The following TRA2B variants were observed in gnomAD, a reference collection of about 807,000 sequenced individuals.
TRA2B encodes the protein transformer 2 beta homolog.
A neutral mutation model predicts 41.7 loss-of-function variants in TRA2B; 14 were observed. The ratio of observed to expected loss-of-function variants is 0.34; its 90% CI spans 0.22 to 0.53. The LOEUF (loss-of-function observed/expected upper bound fraction) is 0.53. Among genes scored for constraint, TRA2B ranks in the 20% least tolerant of loss-of-function variants. The probability of loss-of-function intolerance (pLI) is 0.95; values close to 1 mark genes in which losing one functional copy is unlikely to be tolerated. For synonymous variants in TRA2B, 130 were observed against 128.8 expected, an observed-to-expected ratio of 1.01 and a Z score of -0.06; for missense variants, 167 against 396.8, an observed-to-expected ratio of 0.42 and a Z score of 4.92.
At chr3:185,926,879 G>T in intron 1 of TRA2B, 145 bp from the exon 2 acceptor site, 1 of 888,676 alleles carries the variant, frequency 1.1e-6, no homozygotes, top group Non-Finnish European at 1.7e-6. Context: ...GAATATACCT[G>T]GTGTTAATAG....
chr3:185,925,563 A>ATGGGAG lies in TRA2B; in HGVS notation c.228_233dup (p.Ser77_His78dup). 4 of 1,614,146 alleles carry ATGGGAG rather than the reference A, an allele frequency of 2.5e-6. No individual in the cohort carries two copies. Among genetic ancestry groups the ATGGGAG allele is most frequent in the Non-Finnish European group, 3.4e-6 (4 of 1,180,004 alleles). On this transcript the variant is annotated inframe_insertion, in exon 3 of 9. Coordinates refer to ENST00000453386, the MANE Select transcript of TRA2B (RefSeq NM_004593.3). ...TGTAAGACCTGCTACGTGATCGTCT[A>ATGGGAG]TGGGAGCGGGAGCGAGACCGTGACC... is the stretch of plus-strand genomic sequence containing the variant.
intron 1 of TRA2B, among the ~76,000 whole-genome samples, chr3:185,929,883 C>CT (rs1744085358): frequency 1.3e-5 from 2 of 152,128 alleles, no homozygotes; most frequent in South Asian, 4.1e-4. Flanking sequence ...CAAAGGTTAT[C>CT]TTCCTGAAAC....
At chr3:185,918,283 C>T in intron 8 of TRA2B, 82 bp downstream of exon 8, 1 of 1,036,358 alleles carries the variant, frequency 9.6e-7, no homozygotes, top group South Asian at 1.5e-5. Flanking sequence ...TGAAACCAAT[C>T]CATTATCTGA....
In TRA2B at chr3:185,917,515, T is replaced by C. The variant is rs1446020613; in HGVS notation, c.*200A>G. On this transcript the variant is annotated 3_prime_UTR_variant, in exon 9 of 9. Transcript: ENST00000453386. ...CAAAACATACTTTTCTGAAAACACT[T>C]AACTTGGAACAAAGCACCAAACTAC... 3.9e-6 allele frequency: 2 copies of C among 516,816 alleles called. No individual in the cohort carries two copies. The highest frequency in any genetic ancestry group is 3.4e-6 in the Non-Finnish European group (1 of 290,382). 32.0% of individuals were successfully genotyped at this position (516,816 alleles called of 1,614,324 possible).
At position 185,916,155 on chromosome 3, in the gene TRA2B, G is replaced by C. The variant is rs1743493483; in HGVS notation, c.*1560C>G. ...ACACTGAAAACACCCTGGACAGTAA[G>C]TTTTACAAATTAAGACCTGCCAATA... On this transcript the variant is annotated 3_prime_UTR_variant, in exon 9 of 9. Transcript: ENST00000453386. 1 of 152,188 alleles carries C rather than the reference G, an allele frequency of 6.6e-6. No homozygotes were observed. The highest frequency in any genetic ancestry group is 1.5e-5 in the Non-Finnish European group (1 of 68,044). The allele number at this position is 152,188 out of a possible 1,614,324, so 9.4% of individuals were successfully genotyped here.
At chr3:185,918,279 C>A in intron 8 of TRA2B, 86 bp downstream of exon 8, 1 of 1,019,570 alleles carries the variant, frequency 9.8e-7, no homozygotes, top group Non-Finnish European at 1.5e-6. Flanking sequence ...TACCTGAAAC[C>A]AATCCATTAT....
At chr3:185,936,357 TA>T (rs919655510) in intron 1 of TRA2B, 3 of 983,992 alleles carry the variant, frequency 3.0e-6, no homozygotes, top group Middle Eastern at 5.2e-4. Context: ...AGCAAGAACT[TA>T]AAAAAAAATC....
At chr3:185,934,334 A>T in intron 1 of TRA2B, 1 of 985,380 alleles carries the variant, frequency 1.0e-6, no homozygotes, top group Non-Finnish European at 1.2e-6. Flanking sequence ...TTGTAGAGAA[A>T]GGAGGAAAAA....
At chr3:185,931,227 A>T (rs1238210526) in intron 1 of TRA2B, among the ~76,000 whole-genome samples, 1 of 152,166 alleles carries the variant, frequency 6.6e-6, no homozygotes, top group Non-Finnish European at 1.5e-5. Flanking sequence ...GGACAGTGCA[A>T]TCTAAGAGTC....
chr3:185,933,560 A>AT (rs1186433688), intron 1 of TRA2B, among the ~76,000 whole-genome samples: 2 of 152,180 alleles, frequency 1.3e-5, no homozygotes, highest in Admixed American at 6.5e-5. Flanking sequence ...TGACAAGGCA[A>AT]TATTTTAAAA....
At position 185,917,444 on chromosome 3, in the gene TRA2B, T is replaced by G. The variant is rs928281065; in HGVS notation, c.*271A>C. 2.3e-6 allele frequency: 1 copy of G among 433,556 alleles called. No individual in the cohort carries two copies. The highest frequency in any genetic ancestry group is 2.1e-5 in the African/African-American group (1 of 48,660). The allele number at this position is 433,556 out of a possible 1,614,324, so 26.9% of individuals were successfully genotyped here. ...ACCTTTTAAATGAAGTTTTGTACAA[T>G]AGAAACTTCTCAGCAGTCAAAATTT... is the stretch of plus-strand genomic sequence containing the variant. On this transcript the variant is annotated 3_prime_UTR_variant, in exon 9 of 9. Transcript: ENST00000453386.
Position 185,917,582 on chromosome 3 carries a change from T to G in TRA2B, c.*133A>C. The G allele has an allele frequency of 2.5e-6, 2 of 793,102 alleles. No individual in the cohort carries two copies. Among genetic ancestry groups the G allele is most frequent in the South Asian group, 1.9e-5 (1 of 52,016 alleles). 49.1% of individuals were successfully genotyped at this position (793,102 alleles called of 1,614,324 possible). A position where few individuals can be genotyped will look rare whatever the true frequency, so the allele number is the denominator to read the frequency against. On this transcript the variant is annotated 3_prime_UTR_variant, in exon 9 of 9. Transcript: ENST00000453386. Reference sequence around the variant, plus strand: ...AACAGCATTTCAACTCCACCAAAAGTAGTCATCGTAAAAGGTGTAAAAGTC... The same window carrying G: ...AACAGCATTTCAACTCCACCAAAAGGAGTCATCGTAAAAGGTGTAAAAGTC...
In TRA2B at chr3:185,919,431, G is replaced by A. The variant is rs1198093021; in HGVS notation, c.782+6C>T. 3 of 1,611,356 alleles carry A rather than the reference G, an allele frequency of 1.9e-6. No individual in the cohort carries two copies. The highest frequency in any genetic ancestry group is 2.5e-6 in the Non-Finnish European group (3 of 1,178,644). ...TGTACAGATGCTAAGTCCTCTCCTG[G>A]CATACCTATAAATCTGATCCCTGTC... On this transcript the variant is annotated splice_donor_region_variant and intron_variant, in intron 7 of 8. Coordinates refer to ENST00000453386, the MANE Select transcript of TRA2B (RefSeq NM_004593.3).
At chr3:185,919,560 T>A in intron 6 of TRA2B, 64 bp from the exon 7 acceptor site, 1 of 1,387,700 alleles carries the variant, frequency 7.2e-7, no homozygotes, top group East Asian at 2.4e-5. Context: ...ATTATGTCAT[T>A]CATTTAGTAA....
chr3:185,915,392 CTT>C lies in TRA2B; in HGVS notation c.*2321_*2322del, dbSNP rs973100376. Among the ~76,000 whole-genome samples the C allele has an allele frequency of 2.6e-5, 4 of 152,188 alleles. No individual in the cohort carries two copies. Among genetic ancestry groups the C allele is most frequent in the Non-Finnish European group, 4.4e-5 (3 of 68,030 alleles). ...AAGTCCCTTTGCCTTGAGGCAGTAA[CTT>C]TAAGACTCAAATTTATCCTTTCCCA... is the stretch of plus-strand genomic sequence containing the variant. On this transcript the variant is annotated 3_prime_UTR_variant, in exon 9 of 9. Transcript: ENST00000453386.
At chr3:185,933,696 A>C (rs1744237894) in intron 1 of TRA2B, among the ~76,000 whole-genome samples, 1 of 152,154 alleles carries the variant, frequency 6.6e-6, no homozygotes. Context: ...GAGTAAATGG[A>C]TAAGTAAATC....
At chr3:185,934,192 G>C (rs1376455280) in intron 1 of TRA2B, among the ~76,000 whole-genome samples, 1 of 152,122 alleles carries the variant, frequency 6.6e-6, no homozygotes, top group Non-Finnish European at 1.5e-5. Context: ...TAAAAAAACA[G>C]TCGCATATGT....
chr3:185,923,650 C>T, intron 4 of TRA2B, 146 bp downstream of exon 4: 4 of 669,704 alleles, frequency 6.0e-6, no homozygotes, highest in Non-Finnish European at 9.1e-6. Context: ...TGTTATTCTG[C>T]ATGTATCTTG....
At chr3:185,925,748 A>T in intron 2 of TRA2B, 122 bp from the exon 3 acceptor site, 1 of 971,658 alleles carries the variant, frequency 1.0e-6, no homozygotes, top group Non-Finnish European at 1.4e-6. Context: ...ATGGTTACCA[A>T]TTTAGTAGGA....
Sources: allele counts gnomAD v4.1 joint callset (sites outside exome capture counted in the v4.1 genomes callset), GRCh38; gene constraint gnomAD v4.1.1; transcripts MANE v1.5; gene names NCBI Gene and HGNC (gene_info 2026-07-23, HGNC 2026-07-21).